CWF19L2: variants seen among roughly 807,000 people sequenced by gnomAD.
CWF19L2 encodes CWF19-like protein 2.
Under a neutral mutation model 111.7 loss-of-function variants are expected in CWF19L2, and 98 were observed. That is an observed-to-expected ratio of 0.88 (90% CI 0.75 to 1.04). The LOEUF (loss-of-function observed/expected upper bound fraction) is 1.04. Ranked by LOEUF, CWF19L2 falls within the 50% of genes least tolerant of loss-of-function variation. The pLI is 0.00. For synonymous variants in CWF19L2, 351 were observed against 342.9 expected (o/e 1.02, Z -0.26); for missense variants, 1,101 against 1,051.4 (o/e 1.05, Z -0.65).
At chr11:107,361,686 T>C (rs1716582160) in intron 12 of CWF19L2, among the ~76,000 whole-genome samples, 1 of 152,228 alleles carries the variant, frequency 6.6e-6, no homozygotes, top group African/African-American at 2.4e-5. Context: ...GTAGAGATCT[T>C]TCACCTCCTT....
intron 10 of CWF19L2, among the ~76,000 whole-genome samples, chr11:107,408,415 C>A (rs1469169860): frequency 1.3e-5 from 2 of 151,806 alleles, no homozygotes; most frequent in East Asian, 3.9e-4. Context: ...ATATAAAAAA[C>A]AAAGAGGAGG....
At chr11:107,362,242 G>C (rs1464791261) in intron 12 of CWF19L2, among the ~76,000 whole-genome samples, 1 of 152,146 alleles carries the variant, frequency 6.6e-6, no homozygotes, top group African/African-American at 2.4e-5. Context: ...AGCGAGGCAG[G>C]GGGAAGGGGC....
intron 12 of CWF19L2, among the ~76,000 whole-genome samples, chr11:107,383,182 G>A (rs934389525): frequency 6.6e-6 from 1 of 152,186 alleles, no homozygotes; most frequent in Admixed American, 6.5e-5. Context: ...GGGGTCATGT[G>A]AACCCCAACT....
chr11:107,350,905 T>C lies in CWF19L2; in HGVS notation c.2086-1852A>G, dbSNP rs117339264. Among the ~76,000 whole-genome samples, 613 of 152,194 alleles carry C rather than the reference T, an allele frequency of 4.0e-3. 2 individuals are homozygous for C. Among genetic ancestry groups the C allele is most frequent in the Non-Finnish European group, 6.7e-3 (453 of 68,010 alleles). ...AGGAAAAGCATGTGAGGAGGATGCATACCAAGTGTGCTCTCCAGCTTGTCA... is the reference window on the plus strand; with the variant it reads ...AGGAAAAGCATGTGAGGAGGATGCACACCAAGTGTGCTCTCCAGCTTGTCA... On this transcript the variant is annotated intron_variant, in intron 13 of 17. Transcript: ENST00000282251.
At chr11:107,420,284 T>C (rs1861285386) in intron 8 of CWF19L2, among the ~76,000 whole-genome samples, 1 of 152,042 alleles carries the variant, frequency 6.6e-6, no homozygotes, top group Non-Finnish European at 1.5e-5. Context: ...GTTCTATAAA[T>C]ACACAGACAT....
chr11:107,348,749 G>A (rs1392608338), intron 14 of CWF19L2, 188 bp downstream of exon 14: 5 of 339,268 alleles, frequency 1.5e-5, no homozygotes, highest in Non-Finnish European at 2.8e-5. Context: ...TCAAAATCTG[G>A]AGTACACAAG....
At chr11:107,332,302 C>T (rs970918064) in intron 16 of CWF19L2, among the ~76,000 whole-genome samples, 3 of 152,128 alleles carry the variant, frequency 2.0e-5, no homozygotes, top group South Asian at 4.1e-4. Context: ...AAAATGACTG[C>T]TTTTCTCGAC....
At chr11:107,357,124 C>A (rs565375882) in intron 12 of CWF19L2, among the ~76,000 whole-genome samples, 37 of 151,992 alleles carry the variant, frequency 2.4e-4, no homozygotes, top group Non-Finnish European at 4.1e-4. Flanking sequence ...AATCACACAG[C>A]TATTAAAGGA....
At chr11:107,353,955 T>C (rs1860197932) in intron 12 of CWF19L2, among the ~76,000 whole-genome samples, 1 of 152,222 alleles carries the variant, frequency 6.6e-6, no homozygotes, top group South Asian at 2.1e-4. Context: ...TATACAATTC[T>C]ATATGACTTG....
intron 16 of CWF19L2, among the ~76,000 whole-genome samples, chr11:107,333,372 T>C (rs1435512322): frequency 6.6e-6 from 1 of 152,198 alleles, no homozygotes; most frequent in African/African-American, 2.4e-5. Flanking sequence ...ATACTAGACA[T>C]TTCACCAGTA....
chr11:107,410,131 G>C lies in CWF19L2; in HGVS notation c.1617+6078C>G, dbSNP rs140657091. Among the ~76,000 whole-genome samples, 23 of 152,228 alleles carry C rather than the reference G, an allele frequency of 1.5e-4. No homozygotes were observed. In the East Asian group the frequency reaches 4.4e-3, roughly 29 times the overall value. On this transcript the variant is annotated intron_variant, in intron 10 of 17. Transcript: ENST00000282251. ...ACTTCCAACAAACGAGCTAAGCAAT[G>C]AAAGAATTCTTCGCTGTTCAAGCGT...
At chr11:107,392,969 A>C (rs1860870590) in intron 10 of CWF19L2, 74 bp from the exon 11 acceptor site, 1 of 959,972 alleles carries the variant, frequency 1.0e-6, no homozygotes, top group East Asian at 2.9e-5. Flanking sequence ...ATAACAAAAA[A>C]AGCATTAAAA....
chr11:107,441,145 T>C (rs889692727), intron 5 of CWF19L2, among the ~76,000 whole-genome samples: 2 of 152,194 alleles, frequency 1.3e-5, no homozygotes, highest in Non-Finnish European at 2.9e-5. Flanking sequence ...TATTTTACAT[T>C]ATATCCACCA....
intron 14 of CWF19L2, among the ~76,000 whole-genome samples, chr11:107,343,666 G>A (rs1860037665): frequency 6.6e-6 from 1 of 151,192 alleles, no homozygotes; most frequent in African/African-American, 2.4e-5. Context: ...GCCTTCCGAT[G>A]GTTATTTGAA....
At chr11:107,453,196 C>T (rs923524854) in intron 3 of CWF19L2, among the ~76,000 whole-genome samples, 2 of 152,142 alleles carry the variant, frequency 1.3e-5, no homozygotes, top group Non-Finnish European at 2.9e-5. Flanking sequence ...AAATATCACA[C>T]GAGACATTAC....
Position 107,336,727 on chromosome 11 carries a change from A to G in CWF19L2, c.2203-14T>C. ...TTTTCTGAACATCTAAAAAAAAAAA[A>G]GAACTAGGTAAAGAAAACACTTAAA... On this transcript the variant is annotated splice_polypyrimidine_tract_variant and intron_variant, in intron 14 of 17. Transcript: ENST00000282251. 3 of 1,314,844 alleles carry G rather than the reference A, an allele frequency of 2.3e-6. No homozygotes were observed. Among genetic ancestry groups the G allele is most frequent in the Non-Finnish European group, 3.1e-6 (3 of 966,086 alleles). 81.4% of individuals were successfully genotyped at this position (1,314,844 alleles called of 1,614,324 possible). A position where few individuals can be genotyped will look rare whatever the true frequency, so the allele number is the denominator to read the frequency against.
At chr11:107,398,572 G>C (rs184908792) in intron 10 of CWF19L2, among the ~76,000 whole-genome samples, 1 of 152,322 alleles carries the variant, frequency 6.6e-6, no homozygotes, top group Admixed American at 6.5e-5. Flanking sequence ...CGGTATACCT[G>C]AGGAAGAAGA....
At chr11:107,448,291 G>A (rs1304074542) in intron 3 of CWF19L2, among the ~76,000 whole-genome samples, 1 of 140,030 alleles carries the variant, frequency 7.1e-6, no homozygotes, top group Non-Finnish European at 1.5e-5. Context: ...GTTGCAGTGA[G>A]CTGAGATCAC....
chr11:107,345,672 T>TAC (rs1310723641), intron 14 of CWF19L2, among the ~76,000 whole-genome samples: 1 of 152,130 alleles, frequency 6.6e-6, no homozygotes, highest in Non-Finnish European at 1.5e-5. Context: ...CCTCTCTCTA[T>TAC]ACACACACAT....
Sources: gnomAD v4.1 joint callset for allele counts (sites outside exome capture counted in the v4.1 genomes callset) on GRCh38, gnomAD v4.1.1 for gene constraint, MANE v1.5 for transcripts, NCBI Gene and HGNC (gene_info 2026-07-23, HGNC 2026-07-21) for gene names.